AGAP3: variants seen among roughly 807,000 people sequenced by gnomAD.
The protein encoded by AGAP3 is ArfGAP with GTPase domain, ankyrin repeat and PH domain 3.
AGAP3 carries 24 observed loss-of-function variants against 96.9 expected under a neutral mutation model. The ratio of observed to expected loss-of-function variants is 0.25; its 90% CI spans 0.18 to 0.35. The LOEUF (loss-of-function observed/expected upper bound fraction) is 0.35, where lower values mean the gene tolerates loss of function less well. Among genes scored for constraint, AGAP3 ranks in the 10% least tolerant of loss-of-function variants. The pLI, the probability that AGAP3 is intolerant of heterozygous loss-of-function variation, is 1.00. For synonymous variants in AGAP3, 563 were observed against 536.1 expected, an observed-to-expected ratio of 1.05 and a Z score of -0.69; for missense variants, 876 against 1,254.2, an observed-to-expected ratio of 0.70 and a Z score of 4.55.
At chr7:151,115,683 C>G in intron 1 of AGAP3, 1 of 1,110,242 alleles carries the variant, frequency 9.0e-7, no homozygotes, top group Non-Finnish European at 1.1e-6. Flanking sequence ...GAAAACAGCT[C>G]GCGGGAGAAA....
Position 151,142,068 on chromosome 7 carries a change from C to T in AGAP3, c.1959+16C>T. 3 of 1,610,484 alleles carry T rather than the reference C, an allele frequency of 1.9e-6. No individual in the cohort carries two copies. Among genetic ancestry groups the T allele is most frequent in the South Asian group, 1.1e-5 (1 of 90,696 alleles). On this transcript the variant is annotated intron_variant, in intron 14 of 17. Coordinates refer to ENST00000397238, the MANE Select transcript of AGAP3 (RefSeq NM_031946.7). This position sits in a 1 kb window ranked among gnomAD's most constrained non-coding sequence, Gnocchi z 7.5. Reference sequence around the variant, plus strand: ...CAAGGACAAGGTGGGTACAGAGTGACTGGGCCCACACAGAGCACCTGGCTG... The same window carrying T: ...CAAGGACAAGGTGGGTACAGAGTGATTGGGCCCACACAGAGCACCTGGCTG...
intron 1 of AGAP3, chr7:151,090,041 G>A (rs373407215): frequency 6.6e-6 from 1 of 152,266 alleles, no homozygotes; most frequent in Non-Finnish European, 1.5e-5. Flanking sequence ...GCAGGAGAAC[G>A]AGGGCCTCAG....
intron 3 of AGAP3, 70 bp downstream of exon 3, chr7:151,117,252 G>GT: frequency 6.3e-7 from 1 of 1,576,552 alleles, no homozygotes; most frequent in Non-Finnish European, 8.7e-7. Context: ...CAGGGTCTGG[G>GT]TGGGGGGTCT....
chr7:151,105,010 A>ACAGT (rs1393238177), intron 1 of AGAP3, among the ~76,000 whole-genome samples: 1 of 152,214 alleles, frequency 6.6e-6, no homozygotes, highest in Non-Finnish European at 1.5e-5. Flanking sequence ...AGCTGGGAAG[A>ACAGT]CAGTCACTCA....
intron 11 of AGAP3, among the ~76,000 whole-genome samples, chr7:151,137,393 G>C (rs1191981031): frequency 6.6e-6 from 1 of 152,248 alleles, no homozygotes; most frequent in Non-Finnish European, 1.5e-5. Flanking sequence ...CTCAGTGTTG[G>C]GTGGACTGAA....
At chr7:151,120,441 C>G (rs1422759090) in intron 8 of AGAP3, 2 of 671,174 alleles carry the variant, frequency 3.0e-6, no homozygotes, top group Non-Finnish European at 5.4e-6. Context: ...TCTCCTAGGC[C>G]CCTTTAGGGT....
In AGAP3 at chr7:151,118,796, G is replaced by A. The variant is rs937496162; in HGVS notation, c.969+164G>A. Among the ~76,000 whole-genome samples, 4 of 152,132 alleles carry A rather than the reference G, an allele frequency of 2.6e-5. No individual in the cohort carries two copies. Among genetic ancestry groups the A allele is most frequent in the South Asian group, 2.1e-4 (1 of 4,830 alleles). ...ACATTGGTTGGAATTCCATTTAGCC[G>A]GCACCGTAGCCTTGGCCTCATCCCT... On this transcript the variant is annotated intron_variant, in intron 7 of 17. Coordinates refer to ENST00000397238, the MANE Select transcript of AGAP3 (RefSeq NM_031946.7). The surrounding 1 kb of genome is among the most constrained non-coding windows in gnomAD (Gnocchi z 6.1).
At chr7:151,087,130 G>T (rs1798188176) in intron 1 of AGAP3, 58 bp downstream of exon 1, 1 of 1,526,242 alleles carries the variant, frequency 6.6e-7, no homozygotes, top group South Asian at 1.2e-5. Flanking sequence ...GGCGCCGGCC[G>T]AGGGCTCCAC....
At chr7:151,128,348 A>C in intron 9 of AGAP3, 2 of 520,124 alleles carry the variant, frequency 3.8e-6, no homozygotes, top group Non-Finnish European at 7.0e-6. Flanking sequence ...ACCTGCCGGA[A>C]CAGCGGTCCA....
At chr7:151,092,614 C>T (rs2150406792) in intron 1 of AGAP3, among the ~76,000 whole-genome samples, 1 of 152,330 alleles carries the variant, frequency 6.6e-6, no homozygotes, top group East Asian at 1.9e-4. Context: ...TGGAATGAGG[C>T]TTTGCAACAC....
Position 151,114,374 on chromosome 7 carries a change from G to C in AGAP3, c.332-2419G>C, listed in dbSNP as rs931337807. ...AAATGGCCCGCTTTTCTCCAAAATG[G>C]GGCCCAGTGTGTGGTGGACTGAGGA... On this transcript the variant is annotated intron_variant, in intron 1 of 17. Coordinates refer to ENST00000397238, the MANE Select transcript of AGAP3 (RefSeq NM_031946.7). This position sits in a 1 kb window ranked among gnomAD's most constrained non-coding sequence, Gnocchi z 4.4. Among the ~76,000 whole-genome samples the C allele has an allele frequency of 6.6e-6, 1 of 152,324 alleles. No homozygotes were observed. Among genetic ancestry groups the C allele is most frequent in the South Asian group, 2.1e-4 (1 of 4,826 alleles).
At chr7:151,104,868 G>A (rs935273856) in intron 1 of AGAP3, among the ~76,000 whole-genome samples, 4 of 150,008 alleles carry the variant, frequency 2.7e-5, no homozygotes, top group African/African-American at 5.1e-5. Context: ...GTTGAAGAAC[G>A]GACAGAACAT....
intron 3 of AGAP3, 59 bp from the exon 4 acceptor site, chr7:151,117,312 C>T: frequency 6.2e-7 from 1 of 1,608,532 alleles, no homozygotes; most frequent in Non-Finnish European, 8.5e-7. Context: ...CTGTAGATTT[C>T]TTCTTGGCCC....
chr7:151,117,868 C>T (rs1412027860), intron 5 of AGAP3, 91 bp downstream of exon 5: 2 of 1,466,256 alleles, frequency 1.4e-6, no homozygotes, highest in African/African-American at 1.4e-5. Flanking sequence ...GAGAAAGCCC[C>T]CAAGCCCCTA....
Position 151,118,383 on chromosome 7 carries a change from G to C in AGAP3, c.841+39G>C, listed in dbSNP as rs1799699394. On this transcript the variant is annotated intron_variant, in intron 6 of 17. Transcript: ENST00000397238. The surrounding 1 kb of genome is among the most constrained non-coding windows in gnomAD (Gnocchi z 6.1). ...CGGGTGGGAGTCACTGGCAGCCGCGGCCCCAGTGCTGGCGATAGGAAGGCT... is the reference window on the plus strand; with the variant it reads ...CGGGTGGGAGTCACTGGCAGCCGCGCCCCCAGTGCTGGCGATAGGAAGGCT... The C allele has an allele frequency of 3.1e-6, 5 of 1,597,244 alleles. No homozygotes were observed. Among genetic ancestry groups the C allele is most frequent in the Non-Finnish European group, 4.3e-6 (5 of 1,167,330 alleles).
At chr7:151,123,491 C>A in intron 8 of AGAP3, 1 of 1,208,080 alleles carries the variant, frequency 8.3e-7, no homozygotes, top group Non-Finnish European at 1.0e-6. Context: ...CACCTCCTCG[C>A]CCCCGCTTCT....
rs1476153550 is a variant in AGAP3, at chr7:151,120,079, C to T, written c.1062C>T (p.Thr354=). ...GCCAGCGGGAGCTGCGCATCGAGAC[C>T]ATCGCTGCCTCCTCCACCCCCACAC... ...SISQRELRIE[T]IAASSTPTPI... The change falls in exon 8 of 18, where the codon ACC becomes ACT. Residue 354 remains threonine, a synonymous_variant. Coordinates refer to ENST00000397238, the MANE Select transcript of AGAP3 (RefSeq NM_031946.7). 3 of 1,613,870 alleles carry T rather than the reference C, an allele frequency of 1.9e-6. No individual in the cohort carries two copies. Among genetic ancestry groups the T allele is most frequent in the Middle Eastern group, 1.6e-4 (1 of 6,084 alleles).
In AGAP3 at chr7:151,096,166, TACTTGTCTCAGA is replaced by T. The variant is rs1217350775; in HGVS notation, c.331+9095_331+9106del. On this transcript the variant is annotated intron_variant, in intron 1 of 17. Transcript: ENST00000397238. The surrounding 1 kb of genome is among the most constrained non-coding windows in gnomAD (Gnocchi z 4.4). Reference sequence around the variant, plus strand: ...GCGTGCTGGGTGGCGACTGTCTCATTACTTGTCTCAGAGGCTCAGCTGTCATCACCGCCTGCG... The same window carrying T: ...GCGTGCTGGGTGGCGACTGTCTCATTGGCTCAGCTGTCATCACCGCCTGCG... Among the ~76,000 whole-genome samples, 3 of 152,194 alleles carry T rather than the reference TACTTGTCTCAGA, an allele frequency of 2.0e-5. No individual in the cohort carries two copies. The highest frequency in any genetic ancestry group is 2.9e-5 in the Non-Finnish European group (2 of 68,034).
intron 1 of AGAP3, among the ~76,000 whole-genome samples, chr7:151,104,655 C>T (rs1461897891): frequency 3.9e-5 from 6 of 152,176 alleles, no homozygotes; most frequent in South Asian, 2.1e-4. Context: ...CAGGGTGCAC[C>T]GACATCCCCA....
Sources: allele counts gnomAD v4.1 joint callset (sites outside exome capture counted in the v4.1 genomes callset), GRCh38; gene constraint gnomAD v4.1.1; non-coding constraint Gnocchi (gnomAD v3.1); transcripts MANE v1.5; gene names NCBI Gene and HGNC (gene_info 2026-07-23, HGNC 2026-07-21).